SSH2: variants seen among roughly 807,000 people sequenced by gnomAD.
The protein encoded by SSH2 is slingshot protein phosphatase 2, also known as protein phosphatase Slingshot homolog 2.
A neutral mutation model predicts 135.2 loss-of-function variants in SSH2; 37 were observed. That is an observed-to-expected ratio of 0.27 (90% CI 0.21 to 0.36). The LOEUF (loss-of-function observed/expected upper bound fraction) is 0.36, where lower values mean the gene tolerates loss of function less well. Among genes scored for constraint, SSH2 ranks in the 10% least tolerant of loss-of-function variants. The pLI is 1.00. For missense variants in SSH2, 1,408 were observed against 1,765.3 expected, an observed-to-expected ratio of 0.80 and a Z score of 3.63; for synonymous variants, 628 against 646.2, an observed-to-expected ratio of 0.97 and a Z score of 0.43.
intron 3 of SSH2, among the ~76,000 whole-genome samples, chr17:29,760,352 C>T (rs2041251390): frequency 6.6e-6 from 1 of 152,180 alleles, no homozygotes; most frequent in South Asian, 2.1e-4. Context: ...ACAGACCCAA[C>T]TGCTGCTATC....
rs577100839 is a variant in SSH2, at chr17:29,630,748, T to C, written c.*93A>G. 13 of 1,369,614 alleles carry C rather than the reference T, an allele frequency of 9.5e-6. 1 individual carries two copies. In the South Asian group the frequency reaches 1.1e-4, roughly 11 times the overall value. The allele number at this position is 1,369,614 out of a possible 1,614,324, so 84.8% of individuals were successfully genotyped here. A position where few individuals can be genotyped will look rare whatever the true frequency, so the allele number is the denominator to read the frequency against. ...AAACAGTAAAATGACCAAAATATTATAAAATTAACCAATAAAGTGCATGTT... is the reference window on the plus strand; with the variant it reads ...AAACAGTAAAATGACCAAAATATTACAAAATTAACCAATAAAGTGCATGTT... On this transcript the variant is annotated 3_prime_UTR_variant, in exon 16 of 16. Transcript: ENST00000540801.
intron 5 of SSH2, among the ~76,000 whole-genome samples, chr17:29,686,335 C>G (rs1434911611): frequency 6.6e-6 from 1 of 151,596 alleles, no homozygotes; most frequent in Non-Finnish European, 1.5e-5. Context: ...ACTCTTCTTT[C>G]ATTTGTTAAT....
chr17:29,913,358 A>AAAT (rs1567650109), intron 1 of SSH2, among the ~76,000 whole-genome samples: 2 of 80,250 alleles, frequency 2.5e-5, no homozygotes, highest in African/African-American at 5.0e-5. Flanking sequence ...ATATATATAT[A>AAAT]TATATATATA....
intron 3 of SSH2, among the ~76,000 whole-genome samples, chr17:29,747,268 T>C (rs1203637310): frequency 1.3e-5 from 2 of 152,232 alleles, no homozygotes; most frequent in Non-Finnish European, 2.9e-5. Flanking sequence ...CCTAAATTGT[T>C]ACAACTTTTA....
chr17:29,783,312 C>T (rs1285316284), intron 3 of SSH2, among the ~76,000 whole-genome samples: 1 of 118,112 alleles, frequency 8.5e-6, no homozygotes, highest in Non-Finnish European at 1.8e-5. Context: ...AGTTATATAA[C>T]ATATATTATA....
intron 1 of SSH2, among the ~76,000 whole-genome samples, chr17:29,926,576 A>T (rs1263494406): frequency 6.6e-6 from 1 of 151,504 alleles, no homozygotes; most frequent in East Asian, 1.9e-4. Flanking sequence ...AAAAAATCTT[A>T]AAATACCACT....
At chr17:29,921,717 G>A (rs1411645277) in intron 1 of SSH2, among the ~76,000 whole-genome samples, 2 of 151,908 alleles carry the variant, frequency 1.3e-5, no homozygotes. Context: ...GGGATTACAG[G>A]CATCCACCAC....
intron 6 of SSH2, among the ~76,000 whole-genome samples, chr17:29,681,165 C>T (rs904168618): frequency 2.0e-5 from 3 of 151,074 alleles, no homozygotes; most frequent in South Asian, 2.1e-4. Flanking sequence ...GGTGAAACCC[C>T]GTCTACTAAA....
chr17:29,739,518 C>T (rs1411428215), intron 3 of SSH2, among the ~76,000 whole-genome samples: 46 of 152,134 alleles, frequency 3.0e-4, no homozygotes, highest in Non-Finnish European at 2.9e-5. Flanking sequence ...AAAGGATATT[C>T]CCCAAAAAGA....
At chr17:29,844,227 C>T (rs1052798539) in intron 2 of SSH2, among the ~76,000 whole-genome samples, 7 of 152,092 alleles carry the variant, frequency 4.6e-5, no homozygotes, top group Non-Finnish European at 1.0e-4. Context: ...AATAGTATGA[C>T]TATTCTATAT....
chr17:29,907,491 C>T (rs760716358), intron 1 of SSH2, among the ~76,000 whole-genome samples: 5 of 152,134 alleles, frequency 3.3e-5, no homozygotes, highest in Non-Finnish European at 5.9e-5. Context: ...CATTCCTGCA[C>T]ATGTATCCCT....
At position 29,911,600 on chromosome 17, in the gene SSH2, T is replaced by C. The variant is rs1265535283; in HGVS notation, c.63+18338A>G. ...CCAAAACCTCTGCACTTAATTACTA[T>C]GCTATATTGCAATGTTATATATCAA... is the stretch of plus-strand genomic sequence containing the variant. On this transcript the variant is annotated intron_variant, in intron 1 of 15. Coordinates refer to ENST00000540801, the MANE Select transcript of SSH2 (RefSeq NM_001282129.2). Among the ~76,000 whole-genome samples, 6 of 152,292 alleles carry C rather than the reference T, an allele frequency of 3.9e-5. No homozygotes were observed. The East Asian group carries it at 1.2e-3, about 29-fold the overall frequency.
intron 1 of SSH2, among the ~76,000 whole-genome samples, chr17:29,893,470 G>A (rs2066387599): frequency 6.6e-6 from 1 of 152,070 alleles, no homozygotes; most frequent in Non-Finnish European, 1.5e-5. Context: ...CCATATAACT[G>A]TTCACCCGTT....
chr17:29,708,993 A>AATATATATATATATAT (rs374708601), intron 3 of SSH2, among the ~76,000 whole-genome samples: 18 of 65,806 alleles, frequency 2.7e-4, no homozygotes, highest in Admixed American at 6.4e-4. Context: ...CTAGTTAAGA[A>AATATATATATATATAT]ATATATATAT....
At chr17:29,827,392 C>T (rs2042764944) in intron 2 of SSH2, among the ~76,000 whole-genome samples, 1 of 152,140 alleles carries the variant, frequency 6.6e-6, no homozygotes, top group African/African-American at 2.4e-5. Flanking sequence ...TGATTGTTTC[C>T]TTGGCAGGGG....
intron 3 of SSH2, among the ~76,000 whole-genome samples, chr17:29,722,236 T>C (rs997749844): frequency 1.4e-5 from 2 of 147,500 alleles, no homozygotes; most frequent in Non-Finnish European, 3.0e-5. Context: ...ATCGCGCCAC[T>C]GCACTCCAGC....
intron 2 of SSH2, among the ~76,000 whole-genome samples, chr17:29,817,943 T>C (rs927730144): frequency 6.6e-6 from 1 of 151,800 alleles, no homozygotes; most frequent in South Asian, 2.1e-4. Flanking sequence ...ATTATTATTA[T>C]TATTTTTGTA....
intron 1 of SSH2, among the ~76,000 whole-genome samples, chr17:29,893,841 C>T (rs1381002140): frequency 1.3e-5 from 2 of 152,094 alleles, no homozygotes; most frequent in African/African-American, 4.8e-5. Context: ...TTAAATTCTT[C>T]CATCCCTTTT....
chr17:29,866,141 A>G (rs1715185922), intron 1 of SSH2: 1 of 151,594 alleles, frequency 6.6e-6, no homozygotes, highest in Non-Finnish European at 1.5e-5. Flanking sequence ...ATAAGGGAGC[A>G]AAGGAGACTA....
Sources: allele counts gnomAD v4.1 joint callset (sites outside exome capture counted in the v4.1 genomes callset), GRCh38; gene constraint gnomAD v4.1.1; transcripts MANE v1.5; gene names NCBI Gene and HGNC (gene_info 2026-07-23, HGNC 2026-07-21).